Variants in AGBL4 observed in about 807,000 individuals in gnomAD.
The protein encoded by AGBL4 is cytosolic carboxypeptidase 6.
A neutral mutation model predicts 66.4 loss-of-function variants in AGBL4; 58 were observed. The ratio of observed to expected loss-of-function variants is 0.87; its 90% CI spans 0.71 to 1.09. AGBL4 has a LOEUF of 1.09. AGBL4 is among the 50% of genes least tolerant of loss of function. AGBL4 has a pLI of 0.00. For missense variants in AGBL4, 579 were observed against 631.0 expected (o/e 0.92, Z 0.88); for synonymous variants, 234 against 222.9 (o/e 1.05, Z -0.44).
chr1:49,058,221 G>A (rs1179862065), intron 4 of AGBL4, among the ~76,000 whole-genome samples: 3 of 152,140 alleles, frequency 2.0e-5, no homozygotes, highest in Non-Finnish European at 2.9e-5. Flanking sequence ...TGGTTTGGCT[G>A]TGTCCCCACC....
chr1:48,762,200 G>A (rs940555921), intron 6 of AGBL4, among the ~76,000 whole-genome samples: 9 of 152,072 alleles, frequency 5.9e-5, no homozygotes, highest in African/African-American at 1.9e-4. Flanking sequence ...CTGGCACCTC[G>A]CCCACTGCTT....
intron 4 of AGBL4, among the ~76,000 whole-genome samples, chr1:49,148,906 T>C (rs1157391488): frequency 1.3e-5 from 2 of 152,200 alleles, no homozygotes; most frequent in Non-Finnish European, 2.9e-5. Flanking sequence ...TCTGTGTATT[T>C]CCTTCATGGA....
chr1:49,692,686 C>A (rs1646912906), intron 3 of AGBL4, among the ~76,000 whole-genome samples: 1 of 150,844 alleles, frequency 6.6e-6, no homozygotes, highest in Non-Finnish European at 1.5e-5. Context: ...CCACTGCACT[C>A]CAGCCTAGAC....
At chr1:49,491,994 T>C (rs971328658) in intron 3 of AGBL4, among the ~76,000 whole-genome samples, 1 of 151,842 alleles carries the variant, frequency 6.6e-6, no homozygotes, top group Non-Finnish European at 1.5e-5. Context: ...AATAGAATAA[T>C]TATAATAAAC....
At chr1:49,197,649 G>C (rs1557720437) in intron 4 of AGBL4, among the ~76,000 whole-genome samples, 1 of 152,174 alleles carries the variant, frequency 6.6e-6, no homozygotes, top group Non-Finnish European at 1.5e-5. Flanking sequence ...TCAATCACCT[G>C]TCCTGACCAA....
intron 11 of AGBL4, among the ~76,000 whole-genome samples, chr1:48,546,864 A>ACACACACACACACACACACACACAC (rs1553185398): frequency 7.8e-6 from 1 of 128,298 alleles, no homozygotes; most frequent in African/African-American, 2.9e-5. Context: ...AAAACAAACA[A>ACACACACACACACACACACACACAC]ACACACACAC....
intron 4 of AGBL4, among the ~76,000 whole-genome samples, chr1:49,124,926 T>A (rs545533312): frequency 2.5e-4 from 38 of 152,296 alleles, no homozygotes; most frequent in Non-Finnish European, 4.7e-4. Context: ...CTGCCAGGGC[T>A]CAAAGAGTAT....
chr1:48,557,969 C>T (rs1171664175), intron 11 of AGBL4, among the ~76,000 whole-genome samples: 1 of 152,068 alleles, frequency 6.6e-6, no homozygotes, highest in Non-Finnish European at 1.5e-5. Flanking sequence ...GTTTCCCTAG[C>T]CTAGTACACC....
intron 5 of AGBL4, among the ~76,000 whole-genome samples, chr1:48,996,815 C>CT (rs1241738842): frequency 8.8e-5 from 12 of 136,052 alleles, no homozygotes; most frequent in South Asian, 2.6e-4. Flanking sequence ...TCCTTCCTTC[C>CT]TCCCTTCCTT....
chr1:49,919,431 T>C (rs1365433711), intron 1 of AGBL4, among the ~76,000 whole-genome samples: 2 of 152,110 alleles, frequency 1.3e-5, no homozygotes, highest in Non-Finnish European at 2.9e-5. Context: ...ACAAGCATTC[T>C]TATACACCAA....
At chr1:49,342,649 T>G (rs1307389176) in intron 3 of AGBL4, among the ~76,000 whole-genome samples, 1 of 152,204 alleles carries the variant, frequency 6.6e-6, no homozygotes, top group Non-Finnish European at 1.5e-5. Context: ...AATGCTGTAT[T>G]TCTGTGGCTA....
At chr1:48,567,679 G>A (rs1221394845) in intron 11 of AGBL4, among the ~76,000 whole-genome samples, 2 of 152,156 alleles carry the variant, frequency 1.3e-5, no homozygotes, top group African/African-American at 2.4e-5. Context: ...TGAGAGAAGG[G>A]GACCTGTTGG....
At chr1:48,930,710 T>C (rs1248276791) in intron 5 of AGBL4, among the ~76,000 whole-genome samples, 1 of 152,198 alleles carries the variant, frequency 6.6e-6, no homozygotes, top group Non-Finnish European at 1.5e-5. Flanking sequence ...AGAGGGCTTG[T>C]ATATGGCATG....
chr1:48,722,298 C>T (rs2148534368), intron 6 of AGBL4, among the ~76,000 whole-genome samples: 1 of 152,138 alleles, frequency 6.6e-6, no homozygotes, highest in East Asian at 1.9e-4. Flanking sequence ...AAGAAATATA[C>T]TTGAAAATTT....
chr1:49,948,035 T>TATAC (rs1380454709), intron 1 of AGBL4, among the ~76,000 whole-genome samples: 4 of 22,032 alleles, frequency 1.8e-4, no homozygotes, highest in African/African-American at 6.3e-4. Context: ...TAAATATATA[T>TATAC]ACATATAAAT....
At chr1:48,844,160 C>G (rs981923833) in intron 6 of AGBL4, among the ~76,000 whole-genome samples, 2 of 152,184 alleles carry the variant, frequency 1.3e-5, no homozygotes, top group Non-Finnish European at 2.9e-5. Flanking sequence ...CTCCTGGGCC[C>G]TAGCTCTGCC....
chr1:49,614,678 G>T (rs1370850782), intron 3 of AGBL4, among the ~76,000 whole-genome samples: 1 of 152,098 alleles, frequency 6.6e-6, no homozygotes, highest in Non-Finnish European at 1.5e-5. Context: ...TGTATAAAAA[G>T]AATTCCAGTC....
chr1:49,231,856 A>AT (rs1650335375), intron 4 of AGBL4, among the ~76,000 whole-genome samples: 1 of 152,178 alleles, frequency 6.6e-6, no homozygotes, highest in Non-Finnish European at 1.5e-5. Context: ...ATACTATTCA[A>AT]TAAGTTATAT....
chr1:48,592,552 C>G (rs1287579229), intron 9 of AGBL4, among the ~76,000 whole-genome samples: 1 of 152,162 alleles, frequency 6.6e-6, no homozygotes, highest in African/African-American at 2.4e-5. Context: ...GTGGAATACA[C>G]AATGATTCAA....
Sources: allele counts gnomAD v4.1 joint callset (sites outside exome capture counted in the v4.1 genomes callset), GRCh38; gene constraint gnomAD v4.1.1; transcripts MANE v1.5; gene names NCBI Gene and HGNC (gene_info 2026-07-23, HGNC 2026-07-21).